SHANK2: variants seen among roughly 807,000 people sequenced by gnomAD.
SHANK2 encodes SH3 and multiple ankyrin repeat domains 2.
In SHANK2, 43 loss-of-function variants were observed where a neutral mutation model predicts 133.7. The observed-to-expected ratio is 0.32, with a 90% CI of 0.25 to 0.41. The LOEUF is 0.41. SHANK2 is among the 10% of genes least tolerant of loss of function. The pLI is 1.00. For missense variants in SHANK2, 1,994 were observed against 2,235.8 expected (o/e 0.89, Z 2.18); for synonymous variants, 1,017 against 952.8 (o/e 1.07, Z -1.24).
intron 15 of SHANK2, among the ~76,000 whole-genome samples, chr11:70,687,672 T>C (rs1945185658): frequency 6.6e-6 from 1 of 152,168 alleles, no homozygotes; most frequent in Non-Finnish European, 1.5e-5. Flanking sequence ...AGAGAGAACA[T>C]GACTAACTCC....
chr11:70,525,564 GA>G (rs1177362365), intron 17 of SHANK2, among the ~76,000 whole-genome samples: 1 of 152,160 alleles, frequency 6.6e-6, no homozygotes, highest in Non-Finnish European at 1.5e-5. Context: ...AGGTAGGGGA[GA>G]AAACAGGCTC....
intron 11 of SHANK2, among the ~76,000 whole-genome samples, chr11:70,867,988 T>C (rs1212981226): frequency 3.3e-5 from 5 of 152,246 alleles, no homozygotes; most frequent in South Asian, 2.1e-4. Context: ...GTGTCAATTC[T>C]GGGCAAATAA....
intron 11 of SHANK2, among the ~76,000 whole-genome samples, chr11:70,892,925 A>T (rs1949872395): frequency 6.6e-6 from 1 of 151,964 alleles, no homozygotes; most frequent in African/African-American, 2.4e-5. Flanking sequence ...TCATGAACAC[A>T]TGTGTACAGC....
At chr11:71,237,304 C>T (rs1954836990) in intron 1 of SHANK2, among the ~76,000 whole-genome samples, 1 of 152,126 alleles carries the variant, frequency 6.6e-6, no homozygotes, top group African/African-American at 2.4e-5. Context: ...AAGCGACTGC[C>T]CAGGGGCCAA....
At chr11:71,072,612 G>A (rs1199601072) in intron 9 of SHANK2, among the ~76,000 whole-genome samples, 4 of 152,114 alleles carry the variant, frequency 2.6e-5, no homozygotes, top group Non-Finnish European at 5.9e-5. Flanking sequence ...CATTATCCAC[G>A]ACACTCAAAA....
At chr11:70,927,630 G>T (rs1298773725) in intron 10 of SHANK2, among the ~76,000 whole-genome samples, 2 of 152,088 alleles carry the variant, frequency 1.3e-5, no homozygotes, top group African/African-American at 4.8e-5. Flanking sequence ...CACAGGCAGG[G>T]TCCTGGTGAC....
intron 10 of SHANK2, among the ~76,000 whole-genome samples, chr11:70,921,103 C>T (rs1461656537): frequency 6.6e-6 from 1 of 152,150 alleles, no homozygotes; most frequent in African/African-American, 2.4e-5. Flanking sequence ...CCAAAAGACT[C>T]AGGAAATGGT....
intron 2 of SHANK2, among the ~76,000 whole-genome samples, chr11:71,177,224 T>C (rs1555113228): frequency 6.6e-6 from 1 of 152,058 alleles, no homozygotes; most frequent in African/African-American, 2.4e-5. Flanking sequence ...AAAATATGAA[T>C]TACACAAAAG....
chr11:70,624,109 G>A (rs1554998934), intron 17 of SHANK2, among the ~76,000 whole-genome samples: 1 of 152,122 alleles, frequency 6.6e-6, no homozygotes, highest in African/African-American at 2.4e-5. Flanking sequence ...GTTTCCCTAG[G>A]GGAGGGGTGG....
Position 70,501,906 on chromosome 11 carries a change from C to T in SHANK2, c.2287+17G>A. The T allele has an allele frequency of 6.4e-7, 1 of 1,559,790 alleles. No individual in the cohort carries two copies. The highest frequency in any genetic ancestry group is 8.7e-7 in the Non-Finnish European group (1 of 1,151,140). Reference sequence around the variant, plus strand: ...CAGCAGGGGGAGCTGCTTTGGGGACCCAGTGGGGCTGCTTACCTTTATCCA... The same window carrying T: ...CAGCAGGGGGAGCTGCTTTGGGGACTCAGTGGGGCTGCTTACCTTTATCCA... On this transcript the variant is annotated intron_variant, in intron 20 of 25. Transcript: ENST00000601538.
chr11:70,844,517 C>A (rs989815408), intron 11 of SHANK2, among the ~76,000 whole-genome samples: 1 of 152,184 alleles, frequency 6.6e-6, no homozygotes, highest in Non-Finnish European at 1.5e-5. Context: ...GAGTTGGAAA[C>A]ACAGGCTCCA....
chr11:70,638,668 A>G (rs1387475008), intron 17 of SHANK2, among the ~76,000 whole-genome samples: 1 of 152,222 alleles, frequency 6.6e-6, no homozygotes, highest in Non-Finnish European at 1.5e-5. Flanking sequence ...CAAATATAAT[A>G]GAAAGATTTC....
At chr11:71,112,947 C>T (rs1555099655) in intron 5 of SHANK2, among the ~76,000 whole-genome samples, 1 of 152,210 alleles carries the variant, frequency 6.6e-6, no homozygotes, top group Admixed American at 6.5e-5. Flanking sequence ...CAGCAGAACA[C>T]TAATACGGGG....
At chr11:70,700,749 G>T (rs782587755) in intron 14 of SHANK2, among the ~76,000 whole-genome samples, 1 of 152,212 alleles carries the variant, frequency 6.6e-6, no homozygotes, top group Non-Finnish European at 1.5e-5. Flanking sequence ...CAGCAGGGCA[G>T]GGCCTCAGGA....
intron 15 of SHANK2, among the ~76,000 whole-genome samples, chr11:70,680,454 A>G (rs1179865847): frequency 6.6e-6 from 1 of 151,970 alleles, no homozygotes; most frequent in Non-Finnish European, 1.5e-5. Flanking sequence ...CTGACCCATG[A>G]TCATTCCTCA....
At chr11:70,779,716 C>G (rs1024391470) in intron 14 of SHANK2, among the ~76,000 whole-genome samples, 14 of 152,306 alleles carry the variant, frequency 9.2e-5, no homozygotes, top group African/African-American at 2.4e-4. Context: ...CTCTGATCTT[C>G]AAGGAGCTGA....
chr11:71,118,826 T>A lies in SHANK2; in HGVS notation c.411+3A>T. 6.5e-7 allele frequency: 1 copy of A among 1,543,372 alleles called. No individual in the cohort carries two copies. On this transcript the variant is annotated splice_donor_region_variant and intron_variant, in intron 4 of 25. Coordinates refer to ENST00000601538, the MANE Select transcript of SHANK2 (RefSeq NM_012309.5). ...AGTCCATGCACTGTGGGCTGAAATA[T>A]ACCTCCAGGGAAGGAACGCCCTCAC...
intron 2 of SHANK2, among the ~76,000 whole-genome samples, chr11:71,214,987 C>T (rs560821791): frequency 3.3e-5 from 5 of 152,334 alleles, no homozygotes; most frequent in Non-Finnish European, 7.4e-5. Context: ...GCGGTTTCCT[C>T]CTGGATCCCA....
chr11:71,223,179 G>T (rs1318537684), intron 2 of SHANK2, among the ~76,000 whole-genome samples: 4 of 152,364 alleles, frequency 2.6e-5, no homozygotes, highest in African/African-American at 9.6e-5. Context: ...AGGAAAACCA[G>T]GCAGGTGAGG....
Sources: allele counts gnomAD v4.1 joint callset (sites outside exome capture counted in the v4.1 genomes callset), GRCh38; gene constraint gnomAD v4.1.1; transcripts MANE v1.5; gene names NCBI Gene and HGNC (gene_info 2026-07-23, HGNC 2026-07-21).